FNIP1: variants seen among roughly 807,000 people sequenced by gnomAD.
The protein encoded by FNIP1 is folliculin-interacting protein 1.
Under a neutral mutation model 124.5 loss-of-function variants are expected in FNIP1, and 40 were observed. The ratio of observed to expected loss-of-function variants is 0.32; its 90% CI spans 0.25 to 0.42. The LOEUF is 0.42. Among genes scored for constraint, FNIP1 ranks in the 10% least tolerant of loss-of-function variants. The probability of loss-of-function intolerance (pLI) is 1.00; values close to 1 mark genes in which losing one functional copy is unlikely to be tolerated. For missense variants in FNIP1, 1,176 were observed against 1,403.7 expected (o/e 0.84, Z 2.59); for synonymous variants, 472 against 470.6 (o/e 1.00, Z -0.04).
chr5:131,711,015 T>C (rs32111), intron 6 of FNIP1, among the ~76,000 whole-genome samples: 97,808 of 152,094 alleles, frequency 0.64, 33,253 homozygotes, highest in Non-Finnish European at 0.77. Context: ...ATCTATCTAA[T>C]CTGATATTTG....
chr5:131,664,144 A>G (rs1057199884), intron 15 of FNIP1, among the ~76,000 whole-genome samples: 6 of 152,238 alleles, frequency 3.9e-5, no homozygotes, highest in South Asian at 2.1e-4. Context: ...GAACACTGAA[A>G]TAAGAGCACA....
chr5:131,689,947 G>A (rs1338866300), intron 11 of FNIP1, among the ~76,000 whole-genome samples: 2 of 152,138 alleles, frequency 1.3e-5, no homozygotes, highest in Non-Finnish European at 2.9e-5. Flanking sequence ...GAAGCCGGGT[G>A]CAGTGGCTCA....
intron 1 of FNIP1, among the ~76,000 whole-genome samples, chr5:131,780,419 T>C (rs1259627504): frequency 6.6e-6 from 1 of 152,188 alleles, no homozygotes; most frequent in Non-Finnish European, 1.5e-5. Context: ...AGGCATCTTA[T>C]TTTATTGAAC....
intron 15 of FNIP1, among the ~76,000 whole-genome samples, chr5:131,655,808 C>T (rs1767174740): frequency 6.6e-6 from 1 of 151,604 alleles, no homozygotes. Context: ...ATCCCAGCTA[C>T]TCCAGAGGCT....
intron 3 of FNIP1, among the ~76,000 whole-genome samples, chr5:131,727,951 G>C (rs571442663): frequency 6.6e-6 from 1 of 152,316 alleles, no homozygotes; most frequent in East Asian, 1.9e-4. Context: ...AGTTTGGCTG[G>C]ATATGAAATT....
intron 1 of FNIP1, among the ~76,000 whole-genome samples, chr5:131,761,361 C>T (rs557922597): frequency 2.0e-4 from 30 of 152,196 alleles, no homozygotes; most frequent in African/African-American, 6.5e-4. Flanking sequence ...CATCATCTTA[C>T]GTTTGGAAAA....
At chr5:131,702,204 A>T (rs1313046285) in intron 10 of FNIP1, among the ~76,000 whole-genome samples, 1 of 152,150 alleles carries the variant, frequency 6.6e-6, no homozygotes, top group African/African-American at 2.4e-5. Flanking sequence ...ACTATTTGAG[A>T]TAGGGACTCA....
rs1768562358 is a variant in FNIP1 at position 131,693,329 on chromosome 5, T to TATATAC, written c.1202+5587_1202+5588insGTATAT. Reference sequence around the variant, plus strand: ...ATATATATATATACACATATATATATATACATATATATATATATATATATA... The same window carrying TATATAC: ...ATATATATATATACACATATATATATATATACATACATATATATATATATATATATA... On this transcript the variant is annotated intron_variant, in intron 11 of 17. Coordinates refer to ENST00000510461, the MANE Select transcript of FNIP1 (RefSeq NM_133372.3). Among the ~76,000 whole-genome samples, 4 of 59,334 alleles carry TATATAC rather than the reference T, an allele frequency of 6.7e-5. 1 individual carries two copies. The highest frequency in any genetic ancestry group is 2.8e-4 in the African/African-American group (4 of 14,268). 38.9% of individuals were successfully genotyped at this position (59,334 alleles called of 152,430 possible).
intron 16 of FNIP1, 101 bp downstream of exon 16, chr5:131,651,701 G>T: frequency 1.9e-6 from 2 of 1,080,520 alleles, no homozygotes; most frequent in Non-Finnish European, 1.3e-6. Flanking sequence ...TTCGGGTAAT[G>T]ACACAAACAT....
intron 11 of FNIP1, among the ~76,000 whole-genome samples, chr5:131,688,289 T>TA (rs565453128): frequency 0.13 from 15,141 of 118,778 alleles, 1,660 homozygotes; most frequent in African/African-American, 0.32. Flanking sequence ...GAGTTTAAAA[T>TA]AAAAAAAAAA....
chr5:131,687,120 C>A (rs1398570527), intron 11 of FNIP1, among the ~76,000 whole-genome samples: 8 of 136,858 alleles, frequency 5.8e-5, no homozygotes, highest in African/African-American at 2.2e-4. Flanking sequence ...TTTTTTTTTC[C>A]TTTGAGACAG....
intron 10 of FNIP1, among the ~76,000 whole-genome samples, chr5:131,702,907 T>A (rs569621505): frequency 6.6e-6 from 1 of 152,328 alleles, no homozygotes; most frequent in South Asian, 2.1e-4. Context: ...AAACTCTTAA[T>A]GTTAAAATGC....
At chr5:131,752,699 A>G (rs1268298546) in intron 1 of FNIP1, among the ~76,000 whole-genome samples, 2 of 152,214 alleles carry the variant, frequency 1.3e-5, no homozygotes, top group Non-Finnish European at 2.9e-5. Flanking sequence ...ATTTCACAAA[A>G]GGAGATATAT....
intron 3 of FNIP1, among the ~76,000 whole-genome samples, chr5:131,727,194 G>C (rs1433324259): frequency 1.3e-5 from 2 of 152,136 alleles, no homozygotes; most frequent in Non-Finnish European, 2.9e-5. Flanking sequence ...TTCAAGTCCT[G>C]AACATCCTTG....
intron 11 of FNIP1, among the ~76,000 whole-genome samples, chr5:131,681,323 G>T (rs1374865184): frequency 6.6e-6 from 1 of 152,066 alleles, no homozygotes; most frequent in Non-Finnish European, 1.5e-5. Context: ...AAAAAAGGTT[G>T]AAAAACACTG....
At chr5:131,783,314 G>A (rs888422277) in intron 1 of FNIP1, among the ~76,000 whole-genome samples, 5 of 151,882 alleles carry the variant, frequency 3.3e-5, no homozygotes, top group African/African-American at 1.2e-4. Flanking sequence ...TTATGAAAAG[G>A]AATAAGAATG....
intron 1 of FNIP1, 93 bp downstream of exon 1, chr5:131,796,737 C>T: frequency 8.2e-7 from 1 of 1,216,728 alleles, no homozygotes; most frequent in Non-Finnish European, 1.1e-6. Flanking sequence ...GCGGCGCTTC[C>T]GCTCGGGTCG....
intron 11 of FNIP1, among the ~76,000 whole-genome samples, chr5:131,687,105 T>C (rs1300369416): frequency 2.8e-5 from 4 of 141,320 alleles, no homozygotes; most frequent in African/African-American, 1.0e-4. Context: ...TTTGTTTGGC[T>C]TTTTTTTTTT....
chr5:131,742,645 T>C lies in FNIP1; in HGVS notation c.219+1919A>G, dbSNP rs144883284. ...TACTTCAACATTTACCACAGCAAAA[T>C]AGAATATTGTACAAATACAGCAAAG... is the stretch of plus-strand genomic sequence containing the variant. On this transcript the variant is annotated intron_variant, in intron 2 of 17. Coordinates refer to ENST00000510461, the MANE Select transcript of FNIP1 (RefSeq NM_133372.3). Among the ~76,000 whole-genome samples the C allele has an allele frequency of 1.6e-3, 249 of 152,262 alleles. 1 individual carries two copies. The highest frequency in any genetic ancestry group is 5.7e-3 in the African/African-American group (237 of 41,558).
Sources: gnomAD v4.1 joint callset for allele counts (sites outside exome capture counted in the v4.1 genomes callset) on GRCh38, gnomAD v4.1.1 for gene constraint, MANE v1.5 for transcripts, NCBI Gene and HGNC (gene_info 2026-07-23, HGNC 2026-07-21) for gene names.